Variants in RIPOR2 observed in about 807,000 individuals in gnomAD.
RIPOR2 encodes RHO family interacting cell polarization regulator 2.
RIPOR2 carries 39 observed loss-of-function variants against 114.5 expected under a neutral mutation model. The observed-to-expected ratio is 0.34, with a 90% CI of 0.26 to 0.44. The LOEUF is 0.44. Ranked by LOEUF, RIPOR2 falls within the 20% of genes least tolerant of loss-of-function variation. The pLI is 1.00. For synonymous variants in RIPOR2, 445 were observed against 484.4 expected (o/e 0.92, Z 1.07); for missense variants, 1,007 against 1,255.1 (o/e 0.80, Z 2.99).
chr6:24,867,256 A>T (rs1764695723), intron 6 of RIPOR2, among the ~76,000 whole-genome samples: 1 of 152,170 alleles, frequency 6.6e-6, no homozygotes, highest in Non-Finnish European at 1.5e-5. Context: ...TCTGCTGATG[A>T]CATCTTTTGG....
At chr6:24,895,701 ACTT>A (rs1324828158) in intron 1 of RIPOR2, among the ~76,000 whole-genome samples, 1 of 152,140 alleles carries the variant, frequency 6.6e-6, no homozygotes, top group Non-Finnish European at 1.5e-5. Flanking sequence ...ATTTAAAAGA[ACTT>A]CTTCGGCCGG....
chr6:24,809,897 G>T, intron 20 of RIPOR2, 90 bp from the exon 21 acceptor site: 1 of 847,102 alleles, frequency 1.2e-6, no homozygotes, highest in Non-Finnish European at 1.9e-6. Context: ...GGGAACTTTA[G>T]CCTCACTTTG....
intron 1 of RIPOR2, among the ~76,000 whole-genome samples, chr6:24,977,491 A>G (rs558691473): frequency 6.6e-6 from 1 of 152,314 alleles, no homozygotes; most frequent in African/African-American, 2.4e-5. Flanking sequence ...ATTCTATCAG[A>G]TACATAACAG....
At chr6:24,888,406 T>C (rs912732725) in intron 1 of RIPOR2, among the ~76,000 whole-genome samples, 4 of 152,382 alleles carry the variant, frequency 2.6e-5, no homozygotes, top group South Asian at 2.1e-4. Context: ...AAAATGATAC[T>C]GACATCCTCA....
chr6:24,921,471 T>G (rs1770481172), intron 1 of RIPOR2, among the ~76,000 whole-genome samples: 1 of 151,850 alleles, frequency 6.6e-6, no homozygotes. Context: ...GCCTTAGATC[T>G]TCTACCATTC....
chr6:24,989,836 C>T (rs1774713421), intron 1 of RIPOR2, among the ~76,000 whole-genome samples: 1 of 151,684 alleles, frequency 6.6e-6, no homozygotes, highest in African/African-American at 2.4e-5. Flanking sequence ...TCAAGATCAG[C>T]CTGGCCAAGA....
chr6:25,004,493 G>T (rs1439492837), intron 1 of RIPOR2, among the ~76,000 whole-genome samples: 2 of 152,082 alleles, frequency 1.3e-5, no homozygotes, highest in Non-Finnish European at 1.5e-5. Flanking sequence ...TCTCCACCTT[G>T]TCGCCTCCTC....
In RIPOR2 at chr6:25,022,531, C is replaced by CTTTTTTTTTTTTT. The variant is rs1561848668; in HGVS notation, c.76+19319_76+19320insAAAAAAAAAAAAA. Among the ~76,000 whole-genome samples, 75 of 64,502 alleles carry CTTTTTTTTTTTTT rather than the reference C, an allele frequency of 1.2e-3. 5 individuals are homozygous for CTTTTTTTTTTTTT. Among genetic ancestry groups the CTTTTTTTTTTTTT allele is most frequent in the Non-Finnish European group, 2.3e-3 (68 of 29,024 alleles). 42.3% of individuals were successfully genotyped at this position (64,502 alleles called of 152,430 possible). Reference sequence around the variant, plus strand: ...CACATATAACTAATGTGGTACCTTCCATTTTTTTTTTTTTTTTTTTTTTTT... The same window carrying CTTTTTTTTTTTTT: ...CACATATAACTAATGTGGTACCTTCCTTTTTTTTTTTTTATTTTTTTTTTTTTTTTTTTTTTTT... On this transcript the variant is annotated intron_variant, in intron 1 of 13. Transcript: ENST00000510784.
At chr6:24,864,299 C>T (rs924870375) in intron 7 of RIPOR2, among the ~76,000 whole-genome samples, 3 of 152,116 alleles carry the variant, frequency 2.0e-5, no homozygotes, top group Admixed American at 1.3e-4. Flanking sequence ...CACTGCACTC[C>T]AGCCTGTGTG....
Position 24,858,950 on chromosome 6 carries a change from G to C in RIPOR2, c.715+2023C>G, listed in dbSNP as rs1433557004. ...CCCATCCCACTCCTAGGGTGTCTCT[G>C]TGCTAGGTTGGAGAGGATCTGCCCG... On this transcript the variant is annotated intron_variant, in intron 8 of 21. Transcript: ENST00000643898. The surrounding 1 kb of genome is among the most constrained non-coding windows in gnomAD (Gnocchi z 4.0). Among the ~76,000 whole-genome samples, 1 of 152,180 alleles carries C rather than the reference G, an allele frequency of 6.6e-6. No individual in the cohort carries two copies. Among genetic ancestry groups the C allele is most frequent in the Admixed American group, 6.5e-5 (1 of 15,276 alleles).
At chr6:25,024,552 C>T (rs192855985) in intron 1 of RIPOR2, 61 of 573,586 alleles carry the variant, frequency 1.1e-4, no homozygotes, top group Admixed American at 6.8e-4. Context: ...GTGAACCACT[C>T]GGGCTCAGGC....
intron 13 of RIPOR2, among the ~76,000 whole-genome samples, chr6:24,841,121 T>C (rs1055064047): frequency 6.6e-6 from 1 of 152,204 alleles, no homozygotes; most frequent in African/African-American, 2.4e-5. Context: ...TTTTTAATAA[T>C]GCTTAGTGTT....
intron 1 of RIPOR2, among the ~76,000 whole-genome samples, chr6:25,004,120 T>A (rs1362827137): frequency 6.6e-6 from 1 of 152,200 alleles, no homozygotes; most frequent in African/African-American, 2.4e-5. Flanking sequence ...TTGTCTCAAC[T>A]TCCTGAGACT....
intron 1 of RIPOR2, among the ~76,000 whole-genome samples, chr6:25,020,757 T>C (rs1274158017): frequency 1.3e-5 from 2 of 152,234 alleles, no homozygotes; most frequent in Non-Finnish European, 2.9e-5. Context: ...GAAAATAAAA[T>C]TCACAAATAA....
chr6:24,910,993 T>C (rs1769514456), intron 1 of RIPOR2: 1 of 984,976 alleles, frequency 1.0e-6, no homozygotes, highest in African/African-American at 1.7e-5. Context: ...ACGCGAGCTG[T>C]CCCCAGCGCC....
rs947583222 is a variant in RIPOR2 at position 24,961,851 on chromosome 6, T to C, written c.76+80000A>G. On this transcript the variant is annotated intron_variant, in intron 1 of 13. Coordinates refer to the RIPOR2 transcript ENST00000510784. Reference sequence around the variant, plus strand: ...CATGTTGGTCAGGCTGGTCTCAAACTCCTGACCTCAGGTAATCTGCCCGTC... The same window carrying C: ...CATGTTGGTCAGGCTGGTCTCAAACCCCTGACCTCAGGTAATCTGCCCGTC... 5.7e-4 allele frequency among the ~76,000 whole-genome samples: 87 copies of C among 152,144 alleles called. 2 individuals are homozygous for C. Among genetic ancestry groups the C allele is most frequent in the Admixed American group, 5.6e-3 (86 of 15,264 alleles).
chr6:24,820,406 C>A (rs1352015742), intron 19 of RIPOR2, among the ~76,000 whole-genome samples: 2 of 152,202 alleles, frequency 1.3e-5, no homozygotes. Context: ...AATATTTAGA[C>A]TACAGCATGT....
chr6:24,897,411 C>T (rs746500124), intron 1 of RIPOR2, among the ~76,000 whole-genome samples: 7 of 152,196 alleles, frequency 4.6e-5, no homozygotes, highest in Non-Finnish European at 8.8e-5. Flanking sequence ...GGGGCCACAG[C>T]GTGGACAGGT....
chr6:24,829,054 C>T (rs879873767), intron 17 of RIPOR2, among the ~76,000 whole-genome samples: 19 of 151,708 alleles, frequency 1.3e-4, no homozygotes, highest in Non-Finnish European at 2.2e-4. Flanking sequence ...TGGCTGACAC[C>T]TGTAATCCCA....
Sources: allele counts gnomAD v4.1 joint callset (sites outside exome capture counted in the v4.1 genomes callset), GRCh38; gene constraint gnomAD v4.1.1; non-coding constraint Gnocchi (gnomAD v3.1); transcripts MANE v1.5; gene names NCBI Gene and HGNC (gene_info 2026-07-23, HGNC 2026-07-21).